STK39: variants seen among roughly 807,000 people sequenced by gnomAD.
The protein encoded by STK39 is STE20/SPS1-related proline-alanine-rich protein kinase.
STK39 carries 20 observed loss-of-function variants against 77.8 expected under a neutral mutation model. The ratio of observed to expected loss-of-function variants is 0.26; its 90% confidence interval spans 0.18 to 0.37. STK39 has a LOEUF of 0.37. Ranked by LOEUF, STK39 falls within the 10% of genes least tolerant of loss-of-function variation. STK39 has a pLI of 1.00. For synonymous variants in STK39, 246 were observed against 234.1 expected (o/e 1.05, Z -0.47); for missense variants, 479 against 656.5 (o/e 0.73, Z 2.95).
chr2:168,231,295 A>C (rs760000898), intron 1 of STK39, among the ~76,000 whole-genome samples: 10 of 152,114 alleles, frequency 6.6e-5, no homozygotes, highest in Non-Finnish European at 1.5e-4. Context: ...TCATAGGAGG[A>C]CTGACAGAAA....
At chr2:168,228,390 C>T (rs1342863170) in intron 1 of STK39, among the ~76,000 whole-genome samples, 1 of 152,092 alleles carries the variant, frequency 6.6e-6, no homozygotes, top group Non-Finnish European at 1.5e-5. Context: ...AAAATTCAAA[C>T]AGTGTCTAGC....
At chr2:168,081,545 G>A (rs1339805677) in intron 10 of STK39, among the ~76,000 whole-genome samples, 1 of 152,168 alleles carries the variant, frequency 6.6e-6, no homozygotes, top group Non-Finnish European at 1.5e-5. Context: ...CCTTGTCTCA[G>A]ATGAGATGTT....
intron 14 of STK39, among the ~76,000 whole-genome samples, chr2:168,040,960 A>G (rs1302536970): frequency 1.3e-5 from 2 of 152,198 alleles, no homozygotes; most frequent in Non-Finnish European, 2.9e-5. Context: ...TAAGTTACAC[A>G]GGTCCCATAC....
chr2:168,066,178 T>C (rs1288122928), intron 12 of STK39, among the ~76,000 whole-genome samples: 1 of 152,218 alleles, frequency 6.6e-6, no homozygotes, highest in Non-Finnish European at 1.5e-5. Context: ...GAGCATAAAA[T>C]TCTTACTCTC....
At chr2:167,965,953 G>A (rs1412409604) in intron 16 of STK39, among the ~76,000 whole-genome samples, 1 of 152,122 alleles carries the variant, frequency 6.6e-6, no homozygotes, top group African/African-American at 2.4e-5. Context: ...CAGCTGCAGA[G>A]GAGAAAAAAG....
At chr2:167,964,576 G>C in intron 17 of STK39, 86 bp downstream of exon 17, 1 of 1,226,928 alleles carries the variant, frequency 8.2e-7, no homozygotes, top group Non-Finnish European at 1.2e-6. Context: ...CAAAATTACA[G>C]AGTAGGTTAT....
intron 1 of STK39, among the ~76,000 whole-genome samples, chr2:168,245,693 A>G (rs532671916): frequency 9.8e-5 from 15 of 152,320 alleles, no homozygotes; most frequent in African/African-American, 3.6e-4. Flanking sequence ...AGAGTAGACA[A>G]TGGGAGGAGG....
intron 5 of STK39, among the ~76,000 whole-genome samples, chr2:168,154,931 C>T (rs1347198654): frequency 1.3e-5 from 2 of 152,098 alleles, no homozygotes; most frequent in South Asian, 2.1e-4. Context: ...AGCAAAGGAC[C>T]GAATTGCTCT....
At chr2:168,112,718 A>G (rs1042612862) in intron 10 of STK39, among the ~76,000 whole-genome samples, 1 of 152,208 alleles carries the variant, frequency 6.6e-6, no homozygotes. Flanking sequence ...CAGAATTTTA[A>G]TACCAGCGGT....
intron 1 of STK39, among the ~76,000 whole-genome samples, chr2:168,199,353 G>A (rs1689553232): frequency 6.6e-6 from 1 of 152,100 alleles, no homozygotes; most frequent in Admixed American, 6.5e-5. Flanking sequence ...AAAAGAAGTG[G>A]CTATCTACAG....
At chr2:168,244,063 C>T (rs1422745848) in intron 1 of STK39, among the ~76,000 whole-genome samples, 1 of 152,100 alleles carries the variant, frequency 6.6e-6, no homozygotes, top group African/African-American at 2.4e-5. Context: ...TAATAATTTC[C>T]AACATTTTTA....
At chr2:167,959,812 A>G (rs900095337) in intron 17 of STK39, among the ~76,000 whole-genome samples, 4 of 152,196 alleles carry the variant, frequency 2.6e-5, no homozygotes, top group African/African-American at 4.8e-5. Flanking sequence ...AGTGACTATT[A>G]GTGCAGTCTG....
intron 10 of STK39, among the ~76,000 whole-genome samples, chr2:168,123,585 C>T (rs1044975447): frequency 1.3e-5 from 2 of 151,960 alleles, no homozygotes; most frequent in African/African-American, 4.8e-5. Flanking sequence ...AAAGTAAAAA[C>T]AAGCCAGGCA....
chr2:168,127,638 G>C (rs1230086080), intron 10 of STK39, among the ~76,000 whole-genome samples: 2 of 152,160 alleles, frequency 1.3e-5, no homozygotes, highest in Admixed American at 1.3e-4. Context: ...TAAGGATCTT[G>C]GTCTTTATTA....
rs1272326865 is a variant in STK39, at chr2:168,075,003, T to G, written c.1221A>C (p.Arg407Ser). 1 of 1,613,836 alleles carries G rather than the reference T, an allele frequency of 6.2e-7. No individual in the cohort carries two copies. Among genetic ancestry groups the G allele is most frequent in the Admixed American group, 1.7e-5 (1 of 60,018 alleles). Residue 407 changes from arginine to serine, a missense_variant, in exon 12 of 18, where the codon AGA becomes AGC. Physicochemically the swap from Arg to Ser is moderately radical, Grantham distance 110. Coordinates refer to ENST00000355999, the MANE Select transcript of STK39 (RefSeq NM_013233.3). ...TCACCTCTGGATTTTCTTCTTTTAC[T>G]CTTCGTGACTGTAAAACAATTATGT... The part of the protein sequence containing the change: ...KAAFSQEKSR[R>S]VKEENPEIAV...
chr2:168,117,520 C>T (rs1322783882), intron 10 of STK39, among the ~76,000 whole-genome samples: 1 of 152,126 alleles, frequency 6.6e-6, no homozygotes, highest in Non-Finnish European at 1.5e-5. Context: ...ATAAATGACA[C>T]CAAGTGCAAC....
chr2:168,242,559 AAATATAT>A lies in STK39; in HGVS notation c.208+4662_208+4668del, dbSNP rs1306547237. On this transcript the variant is annotated intron_variant, in intron 1 of 17. Transcript: ENST00000355999. ...GCAAGACTCTTACAAAAAAAAAAAA[AAATATAT>A]ATATATATATATATATATATATATA... Among the ~76,000 whole-genome samples the A allele has an allele frequency of 7.9e-4, 43 of 54,200 alleles. 3 individuals carry two copies. Among genetic ancestry groups the A allele is most frequent in the African/African-American group, 1.4e-3 (16 of 11,436 alleles). The allele number at this position is 54,200 out of a possible 152,430, so 35.6% of individuals were successfully genotyped here.
At chr2:167,987,604 G>A (rs1321326519) in intron 16 of STK39, among the ~76,000 whole-genome samples, 1 of 152,100 alleles carries the variant, frequency 6.6e-6, no homozygotes, top group Non-Finnish European at 1.5e-5. Flanking sequence ...ATCCTAGGAA[G>A]GGCATGGCAG....
intron 1 of STK39, among the ~76,000 whole-genome samples, chr2:168,240,714 G>A (rs1230721884): frequency 2.0e-5 from 3 of 152,226 alleles, no homozygotes; most frequent in Admixed American, 6.5e-5. Context: ...ACATTCAAAC[G>A]AAGACATTAA....
Sources: gnomAD v4.1 joint callset for allele counts (sites outside exome capture counted in the v4.1 genomes callset) on GRCh38, gnomAD v4.1.1 for gene constraint, MANE v1.5 for transcripts, NCBI Gene and HGNC (gene_info 2026-07-23, HGNC 2026-07-21) for gene names.